PLEKHA1: variants seen among roughly 807,000 people sequenced by gnomAD.
PLEKHA1 encodes the protein pleckstrin homology domain-containing family A member 1.
In PLEKHA1, 34 loss-of-function variants were observed where a neutral mutation model predicts 52.0. That is an observed-to-expected ratio of 0.65 (90% confidence interval 0.50 to 0.87). The LOEUF (loss-of-function observed/expected upper bound fraction) is 0.87, where lower values mean the gene tolerates loss of function less well. PLEKHA1 is among the 40% of genes least tolerant of loss of function. The pLI, the probability that PLEKHA1 is intolerant of heterozygous loss-of-function variation, is 0.00. For missense variants in PLEKHA1, 497 were observed against 504.2 expected (o/e 0.99, Z 0.14); for synonymous variants, 163 against 170.7 (o/e 0.95, Z 0.35).
chr10:122,441,267 C>G, the PLEKHA1 span: 2 of 152,134 alleles, frequency 1.3e-5, no homozygotes, highest in Admixed American at 1.3e-4. Flanking sequence ...TTCAGGAGTT[C>G]GAGATGAGCC....
chr10:122,378,553 T>C (rs2096569318), intron 1 of PLEKHA1, among the ~76,000 whole-genome samples: 1 of 151,916 alleles, frequency 6.6e-6, no homozygotes, highest in Non-Finnish European at 1.5e-5. Flanking sequence ...CTGGGCAACA[T>C]GACGAAACCT....
At chr10:122,396,192 T>C (rs966700590) in intron 2 of PLEKHA1, among the ~76,000 whole-genome samples, 7 of 152,140 alleles carry the variant, frequency 4.6e-5, no homozygotes, top group Non-Finnish European at 7.4e-5. Flanking sequence ...CTTAGAGCTC[T>C]ATTCAGCAGT....
At chr10:122,388,799 G>T (rs2096736270) in intron 1 of PLEKHA1, among the ~76,000 whole-genome samples, 1 of 152,190 alleles carries the variant, frequency 6.6e-6, no homozygotes, top group Non-Finnish European at 1.5e-5. Context: ...TAGGATAGTG[G>T]TTGCTGAAGG....
chr10:122,438,760 C>G, the PLEKHA1 span: 1 of 152,246 alleles, frequency 6.6e-6, no homozygotes, highest in African/African-American at 2.4e-5. Flanking sequence ...GGAAAAGCCT[C>G]TAGTGCAGGC....
At position 122,430,181 on chromosome 10, in the gene PLEKHA1, G is replaced by A. The variant is rs2097404575; in HGVS notation, c.*243G>A. On this transcript the variant is annotated 3_prime_UTR_variant, in exon 12 of 12. Coordinates refer to ENST00000368990, the MANE Select transcript of PLEKHA1 (RefSeq NM_001001974.4). The stretch of plus-strand genomic sequence containing the variant: ...CTCAGTATCATCTGTCTGAAGCATT[G>A]TGTGTTCTCATTCGGGTGGTAACAA... 6 of 402,672 alleles carry A rather than the reference G, an allele frequency of 1.5e-5. No individual in the cohort carries two copies. The East Asian group carries it at 2.4e-4, about 16-fold the overall frequency. 24.9% of individuals were successfully genotyped at this position (402,672 alleles called of 1,614,324 possible). A position where few individuals can be genotyped will look rare whatever the true frequency, so the allele number is the denominator to read the frequency against.
intron 5 of PLEKHA1, chr10:122,412,319 C>T (rs1479841157): frequency 6.6e-6 from 1 of 152,076 alleles, no homozygotes. Context: ...TTTTGCTATT[C>T]TTTTTTCTGC....
intron 1 of PLEKHA1, among the ~76,000 whole-genome samples, chr10:122,376,478 T>C (rs2096536268): frequency 6.7e-6 from 1 of 149,242 alleles, no homozygotes; most frequent in Admixed American, 6.7e-5. Flanking sequence ...GATATATGGC[T>C]GTGAATTTAG....
intron 4 of PLEKHA1, among the ~76,000 whole-genome samples, chr10:122,400,918 C>T (rs2096918867): frequency 6.6e-6 from 1 of 152,122 alleles, no homozygotes; most frequent in Non-Finnish European, 1.5e-5. Context: ...TAAAAAATAC[C>T]AGGCAATTAA....
intron 1 of PLEKHA1, among the ~76,000 whole-genome samples, chr10:122,378,535 A>T (rs2133536429): frequency 6.6e-6 from 1 of 152,224 alleles, no homozygotes; most frequent in East Asian, 1.9e-4. Flanking sequence ...CAGGAGTTTG[A>T]GACCAGCCTG....
At chr10:122,440,106 A>G in the PLEKHA1 span, 1 of 152,186 alleles carries the variant, frequency 6.6e-6, no homozygotes, top group Non-Finnish European at 1.5e-5. Context: ...TTTACCTGGA[A>G]GCAATGTGAT....
intron 1 of PLEKHA1, among the ~76,000 whole-genome samples, chr10:122,378,630 G>A (rs1196518300): frequency 6.6e-6 from 1 of 151,978 alleles, no homozygotes; most frequent in East Asian, 1.9e-4. Context: ...CAGCTAGTTG[G>A]GAGGCTGTTG....
chr10:122,419,447 T>C (rs886653520), intron 8 of PLEKHA1: 2 of 152,176 alleles, frequency 1.3e-5, no homozygotes, highest in Non-Finnish European at 2.9e-5. Context: ...ACCTGCCTTG[T>C]TGTCTCAGGA....
chr10:122,404,624 A>G (rs1485149510), intron 4 of PLEKHA1, among the ~76,000 whole-genome samples: 1 of 152,236 alleles, frequency 6.6e-6, no homozygotes, highest in African/African-American at 2.4e-5. Context: ...ATTGATAGAT[A>G]TAGCATCCTA....
chr10:122,410,680 CAGTG>C (rs1731003344), intron 5 of PLEKHA1, among the ~76,000 whole-genome samples: 1 of 152,094 alleles, frequency 6.6e-6, no homozygotes, highest in Non-Finnish European at 1.5e-5. Context: ...AAATTAGAAG[CAGTG>C]AGCTTAACAG....
chr10:122,410,101 C>T (rs1265713356), intron 5 of PLEKHA1, among the ~76,000 whole-genome samples: 1 of 152,152 alleles, frequency 6.6e-6, no homozygotes, highest in Non-Finnish European at 1.5e-5. Flanking sequence ...TATTTTCATT[C>T]TTGGTGAATT....
At chr10:122,424,160 A>C in intron 8 of PLEKHA1, 39 bp from the exon 9 acceptor site, 3 of 1,519,866 alleles carry the variant, frequency 2.0e-6, no homozygotes, top group Middle Eastern at 4.2e-4. Flanking sequence ...AAGAATAAAC[A>C]TCATGTAACT....
intron 1 of PLEKHA1, among the ~76,000 whole-genome samples, chr10:122,378,541 G>T (rs989882612): frequency 6.6e-6 from 1 of 152,146 alleles, no homozygotes; most frequent in South Asian, 2.1e-4. Context: ...TTTGAGACCA[G>T]CCTGGGCAAC....
In PLEKHA1 at chr10:122,429,798, C is replaced by T. The variant is rs146002762; in HGVS notation, c.1075C>T (p.Gln359Ter). The change falls in exon 12 of 12, where the codon CAG (glutamine) becomes TAG (stop). Residue 359 changes from glutamine (Q) to a stop codon, truncating the protein, a stop_gained. Coordinates refer to ENST00000368990, the MANE Select transcript of PLEKHA1 (RefSeq NM_001001974.4). LOFTEE classifies it high-confidence loss of function. Reference sequence around the variant, plus strand: ...GGTCAAGCCAGGGAACTTCAAGGTCCAGACTGTCTCTCCAAGAGAACCAGC... The same window carrying T: ...GGTCAAGCCAGGGAACTTCAAGGTCTAGACTGTCTCTCCAAGAGAACCAGC... ...AKVKPGNFKV[Q>*]TVSPREPASK... 4 of 1,614,076 alleles carry T rather than the reference C, an allele frequency of 2.5e-6. No homozygotes were observed. In the African/African-American group the frequency reaches 5.3e-5, roughly 22 times the overall value.
downstream of PLEKHA1, chr10:122,433,612 G>C (rs1485882211): frequency 1.3e-5 from 2 of 151,900 alleles, no homozygotes; most frequent in East Asian, 3.9e-4. Flanking sequence ...GATCTCTGTT[G>C]AATCAAGTGA....
Sources: allele counts gnomAD v4.1 joint callset (sites outside exome capture counted in the v4.1 genomes callset), GRCh38; gene constraint gnomAD v4.1.1; transcripts MANE v1.5; gene names NCBI Gene and HGNC (gene_info 2026-07-23, HGNC 2026-07-21).